INTS7: variants seen among roughly 807,000 people sequenced by gnomAD.
INTS7 encodes integrator complex subunit 7.
Under a neutral mutation model 109.2 loss-of-function variants are expected in INTS7, and 46 were observed. The ratio of observed to expected loss-of-function variants is 0.42; its 90% CI spans 0.33 to 0.54. The LOEUF is 0.54. Ranked by LOEUF, INTS7 falls within the 20% of genes least tolerant of loss-of-function variation. The pLI is 0.07. For synonymous variants in INTS7, 412 were observed against 402.9 expected, an observed-to-expected ratio of 1.02 and a Z score of -0.27; for missense variants, 929 against 1,132.4, an observed-to-expected ratio of 0.82 and a Z score of 2.58.
chr1:212,027,418 TAAG>T (rs1308611072), intron 1 of INTS7, among the ~76,000 whole-genome samples: 3 of 152,034 alleles, frequency 2.0e-5, no homozygotes, highest in Non-Finnish European at 4.4e-5. Context: ...GAGATAAGAT[TAAG>T]AAGGAGGGAT....
intron 5 of INTS7, among the ~76,000 whole-genome samples, chr1:212,009,795 T>C (rs183008459): frequency 1.1e-4 from 17 of 152,240 alleles, no homozygotes; most frequent in Admixed American, 1.0e-3. Context: ...TAAGTGATGC[T>C]TCCTTCTAAT....
intron 1 of INTS7, among the ~76,000 whole-genome samples, chr1:212,023,997 G>A (rs925656805): frequency 1.3e-5 from 2 of 151,980 alleles, no homozygotes; most frequent in South Asian, 2.1e-4. Context: ...TATTTTTATC[G>A]ACTTTGTTGA....
At chr1:211,966,563 GA>G in intron 15 of INTS7, 65 bp from the exon 16 acceptor site, 1 of 953,298 alleles carries the variant, frequency 1.0e-6, no homozygotes, top group South Asian at 1.4e-5. Context: ...TCTATTACTT[GA>G]ATACTAAATT....
At chr1:211,975,122 C>T (rs1301968036) in intron 13 of INTS7, 44 bp downstream of exon 13, 1 of 1,364,290 alleles carries the variant, frequency 7.3e-7, no homozygotes, top group South Asian at 1.2e-5. Flanking sequence ...GGAGAGAACT[C>T]TCACATAAAT....
chr1:211,963,046 A>C (rs114645312), intron 16 of INTS7, among the ~76,000 whole-genome samples: 25 of 152,300 alleles, frequency 1.6e-4, no homozygotes, highest in African/African-American at 4.8e-4. Flanking sequence ...CTGACACACA[A>C]AAAAAATTCA....
chr1:212,005,588 TTCTCAC>T (rs1665869417), intron 7 of INTS7, among the ~76,000 whole-genome samples: 1 of 152,236 alleles, frequency 6.6e-6, no homozygotes, highest in African/African-American at 2.4e-5. Flanking sequence ...AATACTGTGC[TTCTCAC>T]TCATCTTTCT....
At chr1:212,013,983 C>T (rs1349319285) in intron 4 of INTS7, among the ~76,000 whole-genome samples, 4 of 152,104 alleles carry the variant, frequency 2.6e-5, no homozygotes, top group Non-Finnish European at 4.4e-5. Context: ...TCAATACCAA[C>T]GACTCTCTCA....
At chr1:211,985,536 T>C (rs1399897721) in intron 8 of INTS7, among the ~76,000 whole-genome samples, 2 of 152,186 alleles carry the variant, frequency 1.3e-5, no homozygotes, top group Admixed American at 6.6e-5. Context: ...GACAAATACC[T>C]AGCTTGAAAA....
Position 212,031,450 on chromosome 1 carries a change from T to C in INTS7, c.94+3894A>G, listed in dbSNP as rs535027840. On this transcript the variant is annotated intron_variant, in intron 1 of 19. Transcript: ENST00000366994. ...GCTGTAATGTATTTGATTATGACAC[T>C]TAACTCTGCTTGTGTATGCTCAGTC... is the stretch of plus-strand genomic sequence containing the variant. 1.1e-4 allele frequency among the ~76,000 whole-genome samples: 16 copies of C among 152,362 alleles called. No homozygotes were observed. In the South Asian group the frequency reaches 3.3e-3, roughly 32 times the overall value.
chr1:211,964,334 C>T (rs576787039), intron 16 of INTS7, among the ~76,000 whole-genome samples: 9 of 152,138 alleles, frequency 5.9e-5, no homozygotes, highest in East Asian at 1.9e-4. Flanking sequence ...CACAAACAAA[C>T]GGAAAAACAT....
rs1420507077 is a variant in INTS7 at position 211,944,852 on chromosome 1, G to A, written c.2533C>T (p.Arg845Cys). ...TTCAGACAGACAGACTGAATTTTGCGGAAGAGTCCTGGTTTAGATCCGTGC... is the reference window on the plus strand; with the variant it reads ...TTCAGACAGACAGACTGAATTTTGCAGAAGAGTCCTGGTTTAGATCCGTGC... The part of the protein sequence containing the change: ...VQHGSKPGLF[R>C]KIQSVCLNVS... Residue 845 changes from arginine (R) to cysteine (C), a missense_variant, in exon 19 of 20, where the codon CGC becomes TGC. By Grantham distance (180) the Arg-to-Cys change is radical (BLOSUM62 -3). This residue lies in a region of INTS7 where 787 missense variants were observed against 901.1 expected (regional missense o/e 0.87). Coordinates refer to ENST00000366994, the MANE Select transcript of INTS7 (RefSeq NM_015434.4). The A allele has an allele frequency of 8.7e-6, 14 of 1,613,972 alleles. No homozygotes were observed. Among genetic ancestry groups the A allele is most frequent in the Admixed American group, 8.3e-5 (5 of 59,998 alleles).
intron 16 of INTS7, 84 bp downstream of exon 16, chr1:211,966,346 C>T (rs1663878963): frequency 1.3e-6 from 1 of 791,522 alleles, no homozygotes; most frequent in African/African-American, 1.7e-5. Context: ...ATAGTACTAG[C>T]TCCAAAATAG....
chr1:212,030,280 T>C (rs1023154588), intron 1 of INTS7, among the ~76,000 whole-genome samples: 1 of 151,176 alleles, frequency 6.6e-6, no homozygotes, highest in African/African-American at 2.4e-5. Flanking sequence ...GCTTCAATTC[T>C]ACATGATTTT....
chr1:212,014,465 C>CAAAAAAAA (rs1165612101), intron 4 of INTS7, among the ~76,000 whole-genome samples: 2 of 28,112 alleles, frequency 7.1e-5, no homozygotes, highest in African/African-American at 2.7e-4. Flanking sequence ...AACTCCATCT[C>CAAAAAAAA]AAAAAAAAAA....
intron 16 of INTS7, among the ~76,000 whole-genome samples, chr1:211,961,350 G>C (rs988334606): frequency 6.6e-6 from 1 of 151,526 alleles, no homozygotes; most frequent in South Asian, 2.1e-4. Flanking sequence ...CCTACAAAGG[G>C]AAGTCCATCA....
In INTS7 at chr1:211,944,785, T is replaced by G. The variant is rs780937766; in HGVS notation, c.2600A>C (p.Lys867Thr). 4 of 1,612,478 alleles carry G rather than the reference T, an allele frequency of 2.5e-6. No homozygotes were observed. The highest frequency in any genetic ancestry group is 3.4e-6 in the Non-Finnish European group (4 of 1,178,528). Residue 867 changes from lysine to threonine, a missense_variant and splice_region_variant, in exon 19 of 20, where the codon AAG (lysine) becomes ACG (threonine). This residue lies in a region of INTS7 where 787 missense variants were observed against 901.1 expected (regional missense o/e 0.87). Transcript: ENST00000366994. ...TLQSKSGQDY[K>T]IPIDNMTNEM... ...AATTCTGCCTCTTTTCTAAATTACC[T>G]TGTAGTCTTGTCCAGATTTACTCTG... is the stretch of plus-strand genomic sequence containing the variant.
Position 211,988,017 on chromosome 1 carries a change from G to A in INTS7, c.880-14C>T. On this transcript the variant is annotated splice_polypyrimidine_tract_variant and intron_variant, in intron 7 of 19. Transcript: ENST00000366994. ...CTCACAAAGTGCCTGGAATGCAGAA[G>A]AGAAATGAATATAGAAGTTAAAACA... is the stretch of plus-strand genomic sequence containing the variant. The A allele has an allele frequency of 7.6e-7, 1 of 1,317,556 alleles. No individual in the cohort carries two copies. The highest frequency in any genetic ancestry group is 1.1e-6 in the Non-Finnish European group (1 of 916,070). The allele number at this position is 1,317,556 out of a possible 1,614,324, so 81.6% of individuals were successfully genotyped here. A position where few individuals can be genotyped will look rare whatever the true frequency, so the allele number is the denominator to read the frequency against.
At chr1:211,949,865 G>C (rs1014521983) in intron 17 of INTS7, among the ~76,000 whole-genome samples, 3 of 152,144 alleles carry the variant, frequency 2.0e-5, no homozygotes, top group African/African-American at 7.2e-5. Context: ...ATAACAAACT[G>C]TTCCTAGAAG....
intron 7 of INTS7, among the ~76,000 whole-genome samples, chr1:211,992,734 C>T (rs533627890): frequency 1.3e-5 from 2 of 152,158 alleles, no homozygotes; most frequent in African/African-American, 2.4e-5. Context: ...TTCATTAATC[C>T]AAATCAGTAA....
Sources: gnomAD v4.1 joint callset for allele counts (sites outside exome capture counted in the v4.1 genomes callset) on GRCh38, gnomAD v4.1.1 for gene constraint, gnomAD v4.1.1 regional missense constraint, MANE v1.5 for transcripts, NCBI Gene and HGNC (gene_info 2026-07-23, HGNC 2026-07-21) for gene names.